The following FNDC3B variants were observed in gnomAD, a reference collection of about 807,000 sequenced individuals.
The protein encoded by FNDC3B is fibronectin type III domain containing 3B, also known as fibronectin type III domain-containing protein 3B.
Under a neutral mutation model 151.5 loss-of-function variants are expected in FNDC3B, and 12 were observed. The ratio of observed to expected loss-of-function variants is 0.08; its 90% confidence interval spans 0.05 to 0.13. The LOEUF (loss-of-function observed/expected upper bound fraction) is 0.13. Among genes scored for constraint, FNDC3B ranks in the 10% least tolerant of loss-of-function variants. The pLI is 1.00. For synonymous variants in FNDC3B, 528 were observed against 549.0 expected (o/e 0.96, Z 0.54); for missense variants, 1,214 against 1,505.3 (o/e 0.81, Z 3.20).
At chr3:172,169,853 C>T (rs936294045) in intron 3 of FNDC3B, among the ~76,000 whole-genome samples, 1 of 152,168 alleles carries the variant, frequency 6.6e-6, no homozygotes, top group Admixed American at 6.5e-5. Flanking sequence ...TGTGTCTTTA[C>T]ATTTTATGCT....
intron 25 of FNDC3B, among the ~76,000 whole-genome samples, chr3:172,389,999 A>G (rs1444051306): frequency 6.6e-6 from 1 of 152,228 alleles, no homozygotes; most frequent in Non-Finnish European, 1.5e-5. Context: ...CTTAATGCTT[A>G]CTGTTCACAT....
At chr3:172,231,994 C>A (rs980545841) in intron 4 of FNDC3B, among the ~76,000 whole-genome samples, 2 of 149,110 alleles carry the variant, frequency 1.3e-5, no homozygotes, top group African/African-American at 4.9e-5. Flanking sequence ...AATTCTCGTG[C>A]CTCAGCCTCC....
intron 17 of FNDC3B, among the ~76,000 whole-genome samples, chr3:172,341,487 A>C (rs1338099291): frequency 6.6e-6 from 1 of 152,162 alleles, no homozygotes; most frequent in East Asian, 1.9e-4. Context: ...CTTTGACATA[A>C]TCACCTGTGA....
chr3:172,348,013 T>C (rs1304937323), intron 21 of FNDC3B, among the ~76,000 whole-genome samples: 1 of 152,226 alleles, frequency 6.6e-6, no homozygotes, highest in Non-Finnish European at 1.5e-5. Flanking sequence ...CCTTAGTCTC[T>C]TGAGAAAATA....
chr3:172,363,639 A>G (rs1323205520), intron 23 of FNDC3B, among the ~76,000 whole-genome samples: 2 of 152,234 alleles, frequency 1.3e-5, no homozygotes, highest in Non-Finnish European at 2.9e-5. Flanking sequence ...AACCAGTGTC[A>G]GGATAGAAGC....
chr3:172,074,480 T>G (rs1304220657), intron 1 of FNDC3B, among the ~76,000 whole-genome samples: 1 of 152,202 alleles, frequency 6.6e-6, no homozygotes. Context: ...TTAGTTCTGT[T>G]TAACAGCAAC....
At chr3:172,341,252 A>G in intron 17 of FNDC3B, 21 bp downstream of exon 17, 2 of 1,525,806 alleles carry the variant, frequency 1.3e-6, no homozygotes, top group Non-Finnish European at 1.8e-6. Flanking sequence ...TTTCCATATG[A>G]AAGTAAACCT....
At chr3:172,289,355 G>C (rs180873020) in intron 7 of FNDC3B, among the ~76,000 whole-genome samples, 1 of 151,978 alleles carries the variant, frequency 6.6e-6, no homozygotes, top group African/African-American at 2.4e-5. Context: ...GATAATCCAG[G>C]TTAAGTCTCC....
At chr3:172,045,802 A>G (rs1244414242) in intron 1 of FNDC3B, among the ~76,000 whole-genome samples, 1 of 151,864 alleles carries the variant, frequency 6.6e-6, no homozygotes, top group Non-Finnish European at 1.5e-5. Context: ...CTCTATATAT[A>G]TATATACACT....
At chr3:172,178,031 A>C in intron 3 of FNDC3B, among the ~76,000 whole-genome samples, 1 of 152,026 alleles carries the variant, frequency 6.6e-6, no homozygotes, top group African/African-American at 2.4e-5. Flanking sequence ...ACGTGATCTC[A>C]TTTCTTTTTG....
intron 11 of FNDC3B, among the ~76,000 whole-genome samples, chr3:172,328,205 A>G (rs373655063): frequency 1.2e-4 from 19 of 152,342 alleles, no homozygotes; most frequent in African/African-American, 4.6e-4. Flanking sequence ...TAGCCTGACA[A>G]GAAACTTAGA....
At chr3:172,328,807 C>T (rs1732484871) in intron 11 of FNDC3B, 145 bp from the exon 12 acceptor site, 2 of 582,862 alleles carry the variant, frequency 3.4e-6, no homozygotes, top group Non-Finnish European at 2.8e-6. Flanking sequence ...TGGACACTTC[C>T]CTGTAAGTTT....
At chr3:172,360,214 G>C (rs922592459) in intron 22 of FNDC3B, among the ~76,000 whole-genome samples, 4 of 152,152 alleles carry the variant, frequency 2.6e-5, no homozygotes, top group Non-Finnish European at 4.4e-5. Context: ...GGCTAATGAT[G>C]TCAAACATGT....
At chr3:172,389,758 C>T (rs891823133) in intron 25 of FNDC3B, among the ~76,000 whole-genome samples, 18 of 151,970 alleles carry the variant, frequency 1.2e-4, no homozygotes, top group Admixed American at 9.8e-4. Flanking sequence ...CCCAGCTACT[C>T]GGGAGGCTGA....
At chr3:172,051,739 GAACT>G (rs1716664538) in intron 1 of FNDC3B, among the ~76,000 whole-genome samples, 1 of 152,106 alleles carries the variant, frequency 6.6e-6, no homozygotes, top group Admixed American at 6.6e-5. Context: ...TCAAAGTAGG[GAACT>G]AATAAATATT....
At chr3:172,248,499 T>A in intron 5 of FNDC3B, among the ~76,000 whole-genome samples, 1 of 152,102 alleles carries the variant, frequency 6.6e-6, no homozygotes, top group African/African-American at 2.4e-5. Flanking sequence ...AGAAACCAGA[T>A]AATTGAGGGT....
rs1734542031 is a variant in FNDC3B at position 172,364,959 on chromosome 3, A to G, written c.3008+2114A>G. On this transcript the variant is annotated intron_variant, in intron 23 of 25. Transcript: ENST00000415807. ...GTGATGGGAATATAGAGCATAATAA[A>G]TTCTCATTCTATTTGTGAATAATTT... is the stretch of plus-strand genomic sequence containing the variant. 3.3e-5 allele frequency among the ~76,000 whole-genome samples: 5 copies of G among 152,218 alleles called. No homozygotes were observed. In the South Asian group the frequency reaches 1.0e-3, roughly 31 times the overall value.
chr3:172,296,996 G>T (rs183095785), intron 8 of FNDC3B, among the ~76,000 whole-genome samples: 1 of 152,116 alleles, frequency 6.6e-6, no homozygotes, highest in East Asian at 1.9e-4. Flanking sequence ...AGAGGCTCAC[G>T]TGCCCAGAGA....
intron 25 of FNDC3B, among the ~76,000 whole-genome samples, chr3:172,393,553 C>T (rs1038768370): frequency 1.3e-5 from 2 of 152,182 alleles, no homozygotes; most frequent in Non-Finnish European, 2.9e-5. Context: ...CCTTCTCAAG[C>T]ATACATGGAA....
Sources: gnomAD v4.1 joint callset for allele counts (sites outside exome capture counted in the v4.1 genomes callset) on GRCh38, gnomAD v4.1.1 for gene constraint, MANE v1.5 for transcripts, NCBI Gene and HGNC (gene_info 2026-07-23, HGNC 2026-07-21) for gene names.